Variants in DPYD observed in about 807,000 individuals in gnomAD.
The protein encoded by DPYD is dihydropyrimidine dehydrogenase.
A neutral mutation model predicts 116.2 loss-of-function variants in DPYD; 109 were observed. The observed-to-expected ratio is 0.94, with a 90% CI of 0.80 to 1.10. The LOEUF (loss-of-function observed/expected upper bound fraction) is 1.10. Among genes scored for constraint, DPYD ranks in the 50% least tolerant of loss-of-function variants. DPYD has a pLI of 0.00. For missense variants in DPYD, 1,302 were observed against 1,254.5 expected (o/e 1.04, Z -0.57); for synonymous variants, 440 against 432.0 (o/e 1.02, Z -0.23).
At chr1:97,704,636 GTTAC>G (rs1661801464) in intron 5 of DPYD, among the ~76,000 whole-genome samples, 1 of 151,894 alleles carries the variant, frequency 6.6e-6, no homozygotes, top group East Asian at 1.9e-4. Context: ...ATTAGGTCCA[GTTAC>G]TTACAGTATC....
intron 12 of DPYD, among the ~76,000 whole-genome samples, chr1:97,530,213 T>C (rs2786515): frequency 5.1e-4 from 32 of 62,482 alleles, no homozygotes; most frequent in African/African-American, 2.5e-3. Flanking sequence ...TCTTTTTTTT[T>C]CTTTTTTTTT....
chr1:97,573,609 C>G (rs1017685549), intron 11 of DPYD, 151 bp downstream of exon 11: 3 of 864,122 alleles, frequency 3.5e-6, no homozygotes, highest in Non-Finnish European at 5.5e-6. Context: ...AATAACATTT[C>G]TAAGCCTTTT....
chr1:97,406,198 C>A (rs924412428), intron 14 of DPYD, among the ~76,000 whole-genome samples: 3 of 151,704 alleles, frequency 2.0e-5, no homozygotes, highest in Non-Finnish European at 4.4e-5. Context: ...ATCTCTCTAA[C>A]CTTGGCGTAG....
At chr1:97,230,992 A>G (rs913193254) in intron 19 of DPYD, among the ~76,000 whole-genome samples, 9 of 152,212 alleles carry the variant, frequency 5.9e-5, no homozygotes, top group African/African-American at 2.2e-4. Context: ...CCTAAGTAGA[A>G]ACTGACATTT....
chr1:97,789,981 T>G (rs561612282), intron 3 of DPYD, among the ~76,000 whole-genome samples: 20 of 152,216 alleles, frequency 1.3e-4, no homozygotes, highest in Middle Eastern at 6.8e-3. Context: ...GGGAGAAATA[T>G]CAAGTTAAAG....
intron 16 of DPYD, among the ~76,000 whole-genome samples, chr1:97,355,690 C>T (rs1031366274): frequency 6.6e-6 from 1 of 152,146 alleles, no homozygotes; most frequent in Non-Finnish European, 1.5e-5. Context: ...ATTTGTCTCT[C>T]TAGGCCTGCC....
chr1:97,110,949 C>A (rs1287619867), intron 20 of DPYD, among the ~76,000 whole-genome samples: 1 of 152,002 alleles, frequency 6.6e-6, no homozygotes. Flanking sequence ...GGGAGGATAA[C>A]TTGAGCCTAG....
intron 14 of DPYD, among the ~76,000 whole-genome samples, chr1:97,397,238 A>G (rs12407793): frequency 0.069 from 10,467 of 152,082 alleles, 484 homozygotes; most frequent in East Asian, 0.17. Flanking sequence ...TGTATAAAAG[A>G]TCATGACTAC....
chr1:97,605,277 T>G (rs937474288), intron 8 of DPYD, among the ~76,000 whole-genome samples: 1 of 152,106 alleles, frequency 6.6e-6, no homozygotes, highest in African/African-American at 2.4e-5. Flanking sequence ...CACCCAAATC[T>G]CATCTTGAAT....
intron 12 of DPYD, among the ~76,000 whole-genome samples, chr1:97,533,262 C>G (rs997148322): frequency 6.6e-6 from 1 of 152,112 alleles, no homozygotes. Context: ...TCACATTCTA[C>G]TAGTTATAAT....
At chr1:97,116,791 CT>C (rs1405997024) in intron 20 of DPYD, among the ~76,000 whole-genome samples, 5 of 151,990 alleles carry the variant, frequency 3.3e-5, no homozygotes, top group African/African-American at 1.2e-4. Flanking sequence ...ACACAATCTC[CT>C]TTCTGCAGTG....
intron 2 of DPYD, among the ~76,000 whole-genome samples, chr1:97,840,126 CATA>C (rs1669966058): frequency 6.6e-6 from 1 of 151,922 alleles, no homozygotes; most frequent in African/African-American, 2.4e-5. Flanking sequence ...CAAAAAATGA[CATA>C]ATGTTTGAGA....
chr1:97,159,481 G>A (rs1275003997), intron 20 of DPYD, among the ~76,000 whole-genome samples: 1 of 151,914 alleles, frequency 6.6e-6, no homozygotes, highest in Non-Finnish European at 1.5e-5. Context: ...TCTCAGAAAA[G>A]AGGAAGAAAG....
chr1:97,879,819 T>C (rs1251828599), intron 2 of DPYD, among the ~76,000 whole-genome samples: 1 of 151,898 alleles, frequency 6.6e-6, no homozygotes, highest in Admixed American at 6.6e-5. Flanking sequence ...TTTTGCTAGA[T>C]TTTATTCACC....
Position 97,464,460 on chromosome 1 carries a change from C to T in DPYD, c.1741-14237G>A, listed in dbSNP as rs1677200094. ...TCAGAGACCTATGTGGCAGCCTCTC[C>T]TATCACAGGCTCAGAGGTTTAGGAG... On this transcript the variant is annotated intron_variant, in intron 13 of 22. Transcript: ENST00000370192. Among the ~76,000 whole-genome samples the T allele has an allele frequency of 2.0e-5, 3 of 152,102 alleles. No individual in the cohort carries two copies. In the South Asian group the frequency reaches 6.2e-4, roughly 32 times the overall value.
intron 4 of DPYD, among the ~76,000 whole-genome samples, chr1:97,728,288 C>T (rs1251211027): frequency 6.6e-6 from 1 of 152,084 alleles, no homozygotes; most frequent in Non-Finnish European, 1.5e-5. Context: ...TCTATTAGTC[C>T]TTGGGGTATT....
chr1:97,226,401 A>G (rs1018149776), intron 19 of DPYD, among the ~76,000 whole-genome samples: 4 of 152,154 alleles, frequency 2.6e-5, no homozygotes, highest in African/African-American at 9.7e-5. Flanking sequence ...AATTAGGAAG[A>G]AAAAGAAATA....
intron 16 of DPYD, among the ~76,000 whole-genome samples, chr1:97,342,374 T>C (rs1669631658): frequency 6.6e-6 from 1 of 152,182 alleles, no homozygotes; most frequent in Admixed American, 6.5e-5. Context: ...ATATTTCATA[T>C]TGTGCCTTAA....
chr1:97,675,644 T>A (rs1312302205), intron 8 of DPYD, among the ~76,000 whole-genome samples: 1 of 152,186 alleles, frequency 6.6e-6, no homozygotes, highest in Non-Finnish European at 1.5e-5. Flanking sequence ...CATAGTTAAT[T>A]AAAAATATTT....
Sources: gnomAD v4.1 joint callset for allele counts (sites outside exome capture counted in the v4.1 genomes callset) on GRCh38, gnomAD v4.1.1 for gene constraint, MANE v1.5 for transcripts, NCBI Gene and HGNC (gene_info 2026-07-23, HGNC 2026-07-21) for gene names.